TAF5L: variants seen among roughly 807,000 people sequenced by gnomAD.
The protein encoded by TAF5L is TAF5-like RNA polymerase II p300/CBP-associated factor-associated factor 65 kDa subunit 5L.
In TAF5L, 7 loss-of-function variants were observed where a neutral mutation model predicts 51.3. That is an observed-to-expected ratio of 0.14 (90% CI 0.08 to 0.26). The LOEUF is 0.26. Among genes scored for constraint, TAF5L ranks in the 10% least tolerant of loss-of-function variants. TAF5L has a pLI of 1.00. For synonymous variants in TAF5L, 291 were observed against 308.1 expected, an observed-to-expected ratio of 0.94 and a Z score of 0.58; for missense variants, 575 against 758.9, an observed-to-expected ratio of 0.76 and a Z score of 2.85.
At chr1:229,604,299 A>G (rs1248654082) in intron 3 of TAF5L, among the ~76,000 whole-genome samples, 1 of 151,970 alleles carries the variant, frequency 6.6e-6, no homozygotes, top group Non-Finnish European at 1.5e-5. Flanking sequence ...TTAACACCCT[A>G]TTTCACTTTA....
At chr1:229,619,799 C>T (rs1665138044) in intron 1 of TAF5L, among the ~76,000 whole-genome samples, 1 of 152,126 alleles carries the variant, frequency 6.6e-6, no homozygotes, top group Non-Finnish European at 1.5e-5. Context: ...CTACTTGAAA[C>T]TCTCTTGGTC....
exon 5 of TAF5L, chr1:229,593,790 G>C (rs1664009562): frequency 6.6e-6 from 1 of 151,846 alleles, no homozygotes; most frequent in African/African-American, 2.4e-5. Context: ...AAAAATCCTG[G>C]TTCTCTGTAA....
upstream of TAF5L, chr1:229,626,079 G>A (rs889742029): frequency 1.3e-5 from 2 of 151,480 alleles, no homozygotes; most frequent in Non-Finnish European, 3.0e-5. Context: ...GCGGGCCGCG[G>A]GCTGGGCCGC....
intron 3 of TAF5L, among the ~76,000 whole-genome samples, chr1:229,605,834 C>T (rs370125541): frequency 6.0e-4 from 92 of 152,242 alleles, no homozygotes; most frequent in African/African-American, 2.0e-3. Context: ...CCTGCTGGCC[C>T]GCCCTGATTT....
At chr1:229,620,631 A>C (rs1452373835) in intron 1 of TAF5L, among the ~76,000 whole-genome samples, 1 of 152,176 alleles carries the variant, frequency 6.6e-6, no homozygotes, top group Non-Finnish European at 1.5e-5. Flanking sequence ...GGAATTCTTG[A>C]GAGTTTATTT....
At chr1:229,598,688 CTCTT>C (rs754633233) in intron 4 of TAF5L, among the ~76,000 whole-genome samples, 5 of 128,480 alleles carry the variant, frequency 3.9e-5, no homozygotes, top group South Asian at 2.8e-4. Flanking sequence ...GGTTGGATAT[CTCTT>C]TTTTTTTTTT....
chr1:229,609,344 TAATAA>T (rs1253380139), intron 3 of TAF5L, among the ~76,000 whole-genome samples: 1 of 152,220 alleles, frequency 6.6e-6, no homozygotes, highest in Non-Finnish European at 1.5e-5. Flanking sequence ...CATAGGTGTA[TAATAA>T]AATAAACTCA....
At position 229,594,855 on chromosome 1, in the gene TAF5L, G is replaced by A. The variant is rs367750184; in HGVS notation, c.1212C>T (p.His404=). The stretch of plus-strand genomic sequence containing the variant: ...ATGACCACAGCCTGGCGGTGCGGTC[G>A]TGGGACCCGCTGGCGAAGTACAGGC... The change falls in exon 5 of 5, where the codon CAC becomes CAT. Residue 404 remains histidine (H), a synonymous_variant. Transcript: ENST00000258281. The surrounding 1 kb of genome is among the most constrained non-coding windows in gnomAD (Gnocchi z 7.9). 18 of 1,614,050 alleles carry A rather than the reference G, an allele frequency of 1.1e-5. No individual in the cohort carries two copies. Among genetic ancestry groups the A allele is most frequent in the East Asian group, 4.5e-5 (2 of 44,892 alleles).
At position 229,625,432 on chromosome 1, in the gene TAF5L, G is replaced by A. The variant is rs528023784; in HGVS notation, c.-4+453C>T. On this transcript the variant is annotated intron_variant, in intron 1 of 4. Coordinates refer to ENST00000258281, the Ensembl canonical transcript of TAF5L. The surrounding 1 kb of genome is among the most constrained non-coding windows in gnomAD (Gnocchi z 4.0). ...ACACCCACCCACGCACGATCACCAT[G>A]TGCAAAGTTGAATCCCGACTTCGCC... 2.6e-5 allele frequency among the ~76,000 whole-genome samples: 4 copies of A among 152,262 alleles called. No homozygotes were observed. The highest frequency in any genetic ancestry group is 9.6e-5 in the African/African-American group (4 of 41,566).
chr1:229,595,625 T>C (rs1344104229), intron 4 of TAF5L, among the ~76,000 whole-genome samples: 2 of 152,210 alleles, frequency 1.3e-5, no homozygotes, highest in Non-Finnish European at 2.9e-5. Flanking sequence ...TGGGGGTTAA[T>C]GATGGACACA....
chr1:229,620,439 C>CTGAAA (rs1665161884), intron 1 of TAF5L, among the ~76,000 whole-genome samples: 1 of 152,146 alleles, frequency 6.6e-6, no homozygotes, highest in African/African-American at 2.4e-5. Context: ...GAAAAGCAGC[C>CTGAAA]AAAGTACATG....
intron 3 of TAF5L, chr1:229,607,093 A>T: frequency 1.0e-6 from 1 of 985,440 alleles, no homozygotes; most frequent in Non-Finnish European, 1.2e-6. Flanking sequence ...CACTGTCATG[A>T]CAATTTAACA....
intron 1 of TAF5L, among the ~76,000 whole-genome samples, chr1:229,623,956 A>G (rs1665321856): frequency 1.3e-5 from 2 of 152,220 alleles, no homozygotes; most frequent in East Asian, 1.9e-4. Flanking sequence ...TGCTGAGAGA[A>G]TGATCAGAAC....
rs749696767 is a variant in TAF5L, at chr1:229,602,229, C to A, written c.938G>T (p.Arg313Leu). ...CAGAATATCACAAGCCAAATGGATG[C>A]GGGACACGTCTACTTGGTGGGGCTC... Residue 313 changes from arginine to leucine, a missense_variant, in exon 4 of 5, where the codon CGC (arginine) becomes CTC (leucine). Arg to Leu is a moderately radical substitution (Grantham distance 102). Transcript: ENST00000258281. The surrounding 1 kb of genome is among the most constrained non-coding windows in gnomAD (Gnocchi z 4.6). 8 of 1,613,780 alleles carry A rather than the reference C, an allele frequency of 5.0e-6. No homozygotes were observed. The highest frequency in any genetic ancestry group is 1.6e-4 in the Middle Eastern group (1 of 6,078).
rs543297113 is a variant in TAF5L, at chr1:229,623,554, C to G, written c.-4+2331G>C. Among the ~76,000 whole-genome samples the G allele has an allele frequency of 2.6e-5, 4 of 152,336 alleles. No individual in the cohort carries two copies. In the East Asian group the frequency reaches 7.7e-4, roughly 29 times the overall value. On this transcript the variant is annotated intron_variant, in intron 1 of 4. Coordinates refer to ENST00000258281, the Ensembl canonical transcript of TAF5L. ...CAGCTCAGCTTAGCCATGTCTTCCT[C>G]CCAAAAGCTTCCTTGATCACAATCC...
intron 2 of TAF5L, 58 bp from the exon 3 acceptor site, chr1:229,610,268 A>ATCCTGCCACATACTGG: frequency 6.6e-7 from 1 of 1,525,348 alleles, no homozygotes; most frequent in Non-Finnish European, 9.1e-7. Context: ...TTATTAACCC[A>ATCCTGCCACATACTGG]GTACGTGGCA....
chr1:229,596,624 C>G (rs1664138619), intron 4 of TAF5L, among the ~76,000 whole-genome samples: 1 of 152,202 alleles, frequency 6.6e-6, no homozygotes, highest in Non-Finnish European at 1.5e-5. Flanking sequence ...ACTAATGGTA[C>G]TCAGAAAGAG....
chr1:229,598,231 T>C (rs1290705759), intron 4 of TAF5L, among the ~76,000 whole-genome samples: 1 of 152,352 alleles, frequency 6.6e-6, no homozygotes, highest in East Asian at 1.9e-4. Context: ...AATGATTTTT[T>C]ATATTGCTTA....
chr1:229,616,650 T>C (rs1297398231), intron 1 of TAF5L, among the ~76,000 whole-genome samples: 1 of 152,202 alleles, frequency 6.6e-6, no homozygotes, highest in Non-Finnish European at 1.5e-5. Context: ...CATTTGCAAG[T>C]AATTATTTCC....
Sources: allele counts gnomAD v4.1 joint callset (sites outside exome capture counted in the v4.1 genomes callset), GRCh38; gene constraint gnomAD v4.1.1; non-coding constraint Gnocchi (gnomAD v3.1); transcripts MANE v1.5; gene names NCBI Gene and HGNC (gene_info 2026-07-23, HGNC 2026-07-21).